FYTTD1: variants seen among roughly 807,000 people sequenced by gnomAD.
FYTTD1 encodes forty-two-three domain containing 1.
A neutral mutation model predicts 40.9 loss-of-function variants in FYTTD1; 22 were observed. That is an observed-to-expected ratio of 0.54 (90% CI 0.38 to 0.77). The LOEUF is 0.77. Ranked by LOEUF, FYTTD1 falls within the 30% of genes least tolerant of loss-of-function variation. The probability of loss-of-function intolerance (pLI) is 0.00; values close to 1 mark genes in which losing one functional copy is unlikely to be tolerated. For missense variants in FYTTD1, 351 were observed against 392.2 expected (o/e 0.90, Z 0.89); for synonymous variants, 140 against 137.9 (o/e 1.01, Z -0.10).
chr3:197,776,237 G>C (rs1729869573), intron 6 of FYTTD1, among the ~76,000 whole-genome samples: 1 of 144,070 alleles, frequency 6.9e-6, no homozygotes, highest in African/African-American at 2.6e-5. Flanking sequence ...ATGGAGTCTC[G>C]CTCTGTTGCC....
At chr3:197,778,187 C>T (rs1729928432) in intron 7 of FYTTD1, 151 bp from the exon 8 acceptor site, 1 of 511,152 alleles carries the variant, frequency 2.0e-6, no homozygotes, top group African/African-American at 2.0e-5. Context: ...ATATTTTAGT[C>T]TAGAGTAGCC....
At chr3:197,767,727 A>C (rs1016331493) in intron 2 of FYTTD1, among the ~76,000 whole-genome samples, 1 of 152,206 alleles carries the variant, frequency 6.6e-6, no homozygotes, top group Non-Finnish European at 1.5e-5. Context: ...TGCCGGGATT[A>C]CAGGCGTGAG....
At chr3:197,761,046 G>C (rs944709695) in intron 2 of FYTTD1, among the ~76,000 whole-genome samples, 2 of 147,526 alleles carry the variant, frequency 1.4e-5, no homozygotes, top group African/African-American at 5.3e-5. Flanking sequence ...GTTCTTCAGT[G>C]GTAGAATGTA....
Position 197,784,942 on chromosome 3 carries a change from T to G in FYTTD1, c.*3033T>G, listed in dbSNP as rs1375995519. 6.6e-6 allele frequency: 1 copy of G among 152,236 alleles called. No individual in the cohort carries two copies. Among genetic ancestry groups the G allele is most frequent in the Non-Finnish European group, 1.5e-5 (1 of 68,042 alleles). 9.4% of individuals were successfully genotyped at this position (152,236 alleles called of 1,614,324 possible). A position where few individuals can be genotyped will look rare whatever the true frequency, so the allele number is the denominator to read the frequency against. On this transcript the variant is annotated 3_prime_UTR_variant, in exon 9 of 9. Coordinates refer to ENST00000241502, the MANE Select transcript of FYTTD1 (RefSeq NM_032288.7). ...CAAGACTTGCATGTGGCAGAGTTAT[T>G]TTTTGAGCTCAGATCTTCTAATTCT... is the stretch of plus-strand genomic sequence containing the variant.
chr3:197,781,821 CGTTGAAT>C lies in FYTTD1; in HGVS notation c.871_877del (p.Leu291SerfsTer6). 1 of 1,603,956 alleles carries C rather than the reference CGTTGAAT, an allele frequency of 6.2e-7. No homozygotes were observed. Among genetic ancestry groups the C allele is most frequent in the Non-Finnish European group, 8.5e-7 (1 of 1,173,596 alleles). On this transcript the variant is annotated frameshift_variant, in exon 9 of 9. Coordinates refer to ENST00000241502, the MANE Select transcript of FYTTD1 (RefSeq NM_032288.7). LOFTEE classifies it high-confidence loss of function. ...TTTTCTTTTCTCTAGACAGGGATGA[CGTTGAAT>C]GAGCGGTTTGGGATCCTGAAGGAAC... is the stretch of plus-strand genomic sequence containing the variant.
At chr3:197,750,823 G>GT in intron 1 of FYTTD1, 1 of 985,498 alleles carries the variant, frequency 1.0e-6, no homozygotes, top group Non-Finnish European at 1.2e-6. Context: ...GAGAAGCCAG[G>GT]TAAAGCGTGG....
At chr3:197,759,583 G>A (rs1729311214) in intron 2 of FYTTD1, among the ~76,000 whole-genome samples, 1 of 150,902 alleles carries the variant, frequency 6.6e-6, no homozygotes, top group Admixed American at 6.6e-5. Context: ...TTCAGTGGTA[G>A]AGCGTATAGA....
intron 2 of FYTTD1, among the ~76,000 whole-genome samples, chr3:197,766,430 G>GGT (rs111725145): frequency 0.041 from 5,527 of 135,036 alleles, 255 homozygotes; most frequent in African/African-American, 0.11. Context: ...GTTTGAGACT[G>GGT]GTGTGTGTGT....
chr3:197,763,062 T>C (rs1729436749), intron 2 of FYTTD1, among the ~76,000 whole-genome samples: 1 of 152,208 alleles, frequency 6.6e-6, no homozygotes, highest in Non-Finnish European at 1.5e-5. Flanking sequence ...GTTTACCCTA[T>C]GTGTAATGAG....
In FYTTD1 at chr3:197,756,437, A is replaced by G. The variant is rs1729216980; in HGVS notation, c.115A>G (p.Lys39Glu). The change falls in exon 2 of 9, where the codon AAG (lysine) becomes GAG (glutamate). Residue 39 changes from lysine (K) to glutamate (E), a missense_variant. Transcript: ENST00000241502. ...KIDMSLDDII[K>E]LNRKEGKKQN... The stretch of plus-strand genomic sequence containing the variant: ...TTCCTCTATCATAGATGATATCATC[A>G]AGTTGAATCGAAAGGAAGGGAAGAA... 5.0e-6 allele frequency: 8 copies of G among 1,602,924 alleles called. No homozygotes were observed. Among genetic ancestry groups the G allele is most frequent in the Non-Finnish European group, 6.8e-6 (8 of 1,169,802 alleles).
At chr3:197,777,030 T>C in intron 7 of FYTTD1, 29 bp downstream of exon 7, 1 of 1,328,670 alleles carries the variant, frequency 7.5e-7, no homozygotes, top group South Asian at 1.2e-5. Context: ...TTTGCAAAAA[T>C]TATAACCTCT....
upstream of FYTTD1, chr3:197,749,577 T>TA: frequency 7.8e-7 from 1 of 1,284,922 alleles, no homozygotes; most frequent in Non-Finnish European, 1.0e-6. Flanking sequence ...TACCGAAGTA[T>TA]AGGGGACCTG....
Position 197,758,228 on chromosome 3 carries a change from AT to A in FYTTD1, c.235+1672del, listed in dbSNP as rs557979494. 3.8e-3 allele frequency among the ~76,000 whole-genome samples: 574 copies of A among 151,542 alleles called. 4 individuals are homozygous for A. The highest frequency in any genetic ancestry group is 0.013 in the African/African-American group (548 of 41,354). On this transcript the variant is annotated intron_variant, in intron 2 of 8. Coordinates refer to ENST00000241502, the MANE Select transcript of FYTTD1 (RefSeq NM_032288.7). ...ACTGCGCCTGGCCTAAATATTTCTT[AT>A]AAATGTTATTGAACATACTATATAT...
chr3:197,764,247 A>G (rs1201074714), intron 2 of FYTTD1, among the ~76,000 whole-genome samples: 2 of 152,240 alleles, frequency 1.3e-5, no homozygotes, highest in African/African-American at 4.8e-5. Context: ...GTTACAGAGC[A>G]TAAGAGGGAA....
chr3:197,772,716 C>T (rs771841817), intron 4 of FYTTD1, among the ~76,000 whole-genome samples: 1 of 152,210 alleles, frequency 6.6e-6, no homozygotes, highest in Non-Finnish European at 1.5e-5. Context: ...TGAAGCAATT[C>T]TCATGCTTCA....
At position 197,781,041 on chromosome 3, in the gene FYTTD1, C is replaced by T. The variant is rs138534196; in HGVS notation, c.859-770C>T. On this transcript the variant is annotated intron_variant, in intron 8 of 8. Coordinates refer to ENST00000241502, the MANE Select transcript of FYTTD1 (RefSeq NM_032288.7). ...GAAATTTGACCAAATTGGCCTGGTG[C>T]GGTGGCTCACGCCTGTAATCCCAGC... 9.3e-3 allele frequency among the ~76,000 whole-genome samples: 1,396 copies of T among 150,748 alleles called. 12 individuals are homozygous for T. Among genetic ancestry groups the T allele is most frequent in the African/African-American group, 0.032 (1,323 of 41,060 alleles).
At chr3:197,763,141 T>A (rs905699522) in intron 2 of FYTTD1, among the ~76,000 whole-genome samples, 2 of 152,116 alleles carry the variant, frequency 1.3e-5, no homozygotes, top group African/African-American at 4.8e-5. Flanking sequence ...TGGCCGGGCG[T>A]GGTGGCTCAC....
intron 2 of FYTTD1, among the ~76,000 whole-genome samples, chr3:197,768,090 G>A (rs1245042428): frequency 2.0e-5 from 3 of 152,098 alleles, no homozygotes; most frequent in Non-Finnish European, 2.9e-5. Flanking sequence ...ATTCAGACTA[G>A]TGCTTAACTT....
chr3:197,773,249 A>T (rs1401281788), intron 4 of FYTTD1, among the ~76,000 whole-genome samples, 154 bp from the exon 5 acceptor site: 1 of 152,266 alleles, frequency 6.6e-6, no homozygotes, highest in Non-Finnish European at 1.5e-5. Context: ...ATCAAATCTC[A>T]GTAGCTTCAT....
Sources: allele counts gnomAD v4.1 joint callset (sites outside exome capture counted in the v4.1 genomes callset), GRCh38; gene constraint gnomAD v4.1.1; transcripts MANE v1.5; gene names NCBI Gene and HGNC (gene_info 2026-07-23, HGNC 2026-07-21).